Variants in FANCA observed in about 807,000 individuals in gnomAD.
FANCA encodes FA complementation group A, also known as Fanconi anemia group A protein.
A neutral mutation model predicts 194.3 loss-of-function variants in FANCA; 236 were observed. That is an observed-to-expected ratio of 1.21 (90% CI 1.09 to 1.35). The LOEUF is 1.35. Among genes scored for constraint, FANCA ranks in the 40% most tolerant of loss-of-function variants. The pLI, the probability that FANCA is intolerant of heterozygous loss-of-function variation, is 0.00. For missense variants in FANCA, 2,628 were observed against 1,813.9 expected (o/e 1.45, Z -8.15); for synonymous variants, 1,014 against 715.8 (o/e 1.42, Z -6.65).
intron 10 of FANCA, among the ~76,000 whole-genome samples, chr16:89,796,845 AC>A (rs1391179365): frequency 6.6e-6 from 1 of 150,990 alleles, no homozygotes; most frequent in Non-Finnish European, 1.5e-5. Flanking sequence ...ACATGGTGAA[AC>A]CCCATCTACA....
At chr16:89,780,625 A>C (rs1189433147) in intron 17 of FANCA, among the ~76,000 whole-genome samples, 1 of 32,500 alleles carries the variant, frequency 3.1e-5, no homozygotes, top group Non-Finnish European at 5.6e-5. Context: ...CCCTGCATCA[A>C]AAAAAAAAAA....
chr16:89,746,744 G>C, intron 34 of FANCA, 56 bp from the exon 35 acceptor site: 1 of 1,599,746 alleles, frequency 6.3e-7, no homozygotes, highest in East Asian at 2.2e-5. Flanking sequence ...ACAACTAGTA[G>C]AGTGAAGGAA....
At chr16:89,753,329 G>A (rs7203281) in intron 30 of FANCA, among the ~76,000 whole-genome samples, 65,197 of 151,860 alleles carry the variant, frequency 0.43, 15,453 homozygotes, top group East Asian at 0.76. Context: ...CGGTCTCCGC[G>A]CATTGGTGGT....
At chr16:89,743,823 CAAACA>C (rs747049990) in intron 36 of FANCA, among the ~76,000 whole-genome samples, 37 of 152,082 alleles carry the variant, frequency 2.4e-4, no homozygotes, top group African/African-American at 7.5e-4. Context: ...AACTCTGTCT[CAAACA>C]AAACAAAACA....
Position 89,762,010 on chromosome 16 carries a change from C to G in FANCA, c.2791G>C (p.Asp931His), listed in dbSNP as rs1433611850. 3 of 1,613,704 alleles carry G rather than the reference C, an allele frequency of 1.9e-6. No homozygotes were observed. The highest frequency in any genetic ancestry group is 3.3e-5 in the Admixed American group (2 of 59,996). Residue 931 changes from aspartate (D) to histidine (H), a missense_variant, in exon 29 of 43, where the codon GAC (aspartate) becomes CAC (histidine). Physicochemically the swap from Asp to His is moderately conservative, Grantham distance 81 (BLOSUM62 -1). Transcript: ENST00000389301. The stretch of plus-strand genomic sequence containing the variant: ...ATTTCCAGCTCCAGGTGTAACCAGT[C>G]TTGGTAAGTTAACTGAGAAAGAGAG... ...KEEDVHLTYQDWLHLELEIQP... is the reference protein window; with the variant it reads ...KEEDVHLTYQHWLHLELEIQP...
intron 6 of FANCA, among the ~76,000 whole-genome samples, chr16:89,806,016 G>T (rs530079945): frequency 6.1e-4 from 93 of 152,036 alleles, no homozygotes; most frequent in East Asian, 5.6e-3. Flanking sequence ...AAGTTCAAGC[G>T]ATTCTCCTGC....
In FANCA at chr16:89,762,094, G is replaced by C. The variant is rs1598097162; in HGVS notation, c.2779-72C>G. The C allele has an allele frequency of 5.6e-6, 7 of 1,242,554 alleles. No individual in the cohort carries two copies. The East Asian group carries it at 7.0e-5, about 12-fold the overall frequency. 77.0% of individuals were successfully genotyped at this position (1,242,554 alleles called of 1,614,324 possible). On this transcript the variant is annotated intron_variant, in intron 28 of 42. Transcript: ENST00000389301. ...AATCCACCGACAGGTTTATAAACCAGTTTGTCATTTCATCTCATACGCAGT... is the reference window on the plus strand; with the variant it reads ...AATCCACCGACAGGTTTATAAACCACTTTGTCATTTCATCTCATACGCAGT...
intron 7 of FANCA, 30 bp downstream of exon 7, chr16:89,805,250 C>T: frequency 6.4e-7 from 1 of 1,562,448 alleles, no homozygotes; most frequent in Non-Finnish European, 8.8e-7. Flanking sequence ...TGAGTTTTAC[C>T]CAAGAACCCG....
intron 3 of FANCA, 42 bp from the exon 4 acceptor site, chr16:89,811,113 A>C: frequency 6.2e-7 from 1 of 1,612,998 alleles, no homozygotes; most frequent in Non-Finnish European, 8.5e-7. Flanking sequence ...TTAACACATG[A>C]GACAAAATCT....
At chr16:89,780,037 CT>C in intron 17 of FANCA, 80 bp from the exon 18 acceptor site, 1 of 1,257,128 alleles carries the variant, frequency 8.0e-7, no homozygotes, top group Non-Finnish European at 1.2e-6. Flanking sequence ...CACACTCAAC[CT>C]GTGCTTCCTT....
At chr16:89,752,800 G>A (rs2038641522) in intron 30 of FANCA, among the ~76,000 whole-genome samples, 1 of 152,200 alleles carries the variant, frequency 6.6e-6, no homozygotes. Context: ...CTGGGAAGAC[G>A]CCCGTCACCA....
chr16:89,751,984 A>G (rs553711425), intron 31 of FANCA, among the ~76,000 whole-genome samples, 154 bp downstream of exon 31: 26 of 151,926 alleles, frequency 1.7e-4, no homozygotes, highest in African/African-American at 6.3e-4. Flanking sequence ...GTTAGCCAGC[A>G]TGGTCTCGAT....
chr16:89,762,249 C>G (rs1019288217), intron 28 of FANCA, among the ~76,000 whole-genome samples: 4 of 152,182 alleles, frequency 2.6e-5, no homozygotes, highest in African/African-American at 4.8e-5. Context: ...ATCCTTCTTT[C>G]TAAGTATAAA....
rs199529426 is a variant in FANCA at position 89,752,122 on chromosome 16, G to A, written c.3066+16C>T. ...AATGAAGTGAATGCACTGAGTTGTG[G>A]CACCCTCAAACTCACCTGCAATCTG... On this transcript the variant is annotated intron_variant, in intron 31 of 42. Transcript: ENST00000389301. 176 of 1,609,578 alleles carry A rather than the reference G, an allele frequency of 1.1e-4. 1 individual carries two copies. The East Asian group carries it at 1.9e-3, about 17-fold the overall frequency.
In FANCA at chr16:89,770,219, C is replaced by T; in HGVS notation, c.2263G>A (p.Gly755Arg). ...GTGAGCACTGCAGGGAGCACACGTCCACACATGGTCCTCACGAAGAGGGCA... is the reference window on the plus strand; with the variant it reads ...GTGAGCACTGCAGGGAGCACACGTCTACACATGGTCCTCACGAAGAGGGCA... ...WAALFVRTMC[G>R]RVLPAVLTRL... is the part of the protein sequence containing the mutation. Residue 755 changes from glycine to arginine, a missense_variant, in exon 25 of 43, where the codon GGA (glycine) becomes AGA (arginine). Gly to Arg is a moderately radical substitution (Grantham distance 125). Coordinates refer to ENST00000389301, the MANE Select transcript of FANCA (RefSeq NM_000135.4). 6.3e-7 allele frequency: 1 copy of T among 1,592,532 alleles called. No individual in the cohort carries two copies. The highest frequency in any genetic ancestry group is 2.3e-5 in the East Asian group (1 of 44,162).
intron 37 of FANCA, among the ~76,000 whole-genome samples, 191 bp from the exon 38 acceptor site, chr16:89,741,057 G>A (rs1160008083): frequency 2.0e-5 from 3 of 152,162 alleles, no homozygotes; most frequent in African/African-American, 7.2e-5. Flanking sequence ...TACTGGCTGG[G>A]TCATTTCACA....
chr16:89,769,770 A>T, intron 26 of FANCA, 67 bp downstream of exon 26: 1 of 1,562,016 alleles, frequency 6.4e-7, no homozygotes, highest in East Asian at 2.3e-5. Flanking sequence ...TTCTAATTTT[A>T]TCAAACGAGC....
chr16:89,815,181 C>T (rs1322712655), intron 2 of FANCA, among the ~76,000 whole-genome samples: 1 of 151,788 alleles, frequency 6.6e-6, no homozygotes, highest in Non-Finnish European at 1.5e-5. Flanking sequence ...GGATTACAGA[C>T]ACCTGCTACC....
chr16:89,761,162 G>A (rs770415830), intron 29 of FANCA, among the ~76,000 whole-genome samples: 1 of 152,230 alleles, frequency 6.6e-6, no homozygotes. Flanking sequence ...GCTCACGCCT[G>A]TAATGCCAGC....
Sources: gnomAD v4.1 joint callset for allele counts (sites outside exome capture counted in the v4.1 genomes callset) on GRCh38, gnomAD v4.1.1 for gene constraint, MANE v1.5 for transcripts, NCBI Gene and HGNC (gene_info 2026-07-23, HGNC 2026-07-21) for gene names.